The following NBEA variants were observed in gnomAD, a reference collection of about 807,000 sequenced individuals.
NBEA encodes the protein lysosomal-trafficking regulator 2.
In NBEA, 44 loss-of-function variants were observed where a neutral mutation model predicts 343.4. The ratio of observed to expected loss-of-function variants is 0.13; its 90% CI spans 0.10 to 0.16. NBEA has a LOEUF of 0.16. Among genes scored for constraint, NBEA ranks in the 10% least tolerant of loss-of-function variants. The pLI, the probability that NBEA is intolerant of heterozygous loss-of-function variation, is 1.00. For missense variants in NBEA, 2,555 were observed against 3,631.3 expected, an observed-to-expected ratio of 0.70 and a Z score of 7.62; for synonymous variants, 1,175 against 1,238.7, an observed-to-expected ratio of 0.95 and a Z score of 1.08.
chr13:35,430,781 T>A (rs2045052333), intron 38 of NBEA, among the ~76,000 whole-genome samples: 1 of 152,170 alleles, frequency 6.6e-6, no homozygotes. Context: ...ATGGTCTTCC[T>A]TAAATTACTG....
At chr13:35,477,663 G>A (rs1346163632) in intron 41 of NBEA, among the ~76,000 whole-genome samples, 1 of 152,110 alleles carries the variant, frequency 6.6e-6, no homozygotes, top group Non-Finnish European at 1.5e-5. Context: ...GTATAATTAA[G>A]GATATATCTC....
chr13:35,418,543 C>T (rs993270553), intron 38 of NBEA, among the ~76,000 whole-genome samples: 2 of 151,758 alleles, frequency 1.3e-5, no homozygotes, highest in Non-Finnish European at 2.9e-5. Flanking sequence ...GAGAATATTG[C>T]CTAACACAAA....
intron 1 of NBEA, among the ~76,000 whole-genome samples, chr13:35,003,875 A>T (rs1181613673): frequency 6.6e-6 from 1 of 151,964 alleles, no homozygotes; most frequent in Admixed American, 6.6e-5. Flanking sequence ...GCATGTAACA[A>T]CCCATCTCCT....
chr13:35,657,674 A>G (rs1316353827), intron 55 of NBEA, among the ~76,000 whole-genome samples: 3 of 152,212 alleles, frequency 2.0e-5, no homozygotes, highest in Non-Finnish European at 4.4e-5. Flanking sequence ...ATAATAGTGT[A>G]GCATTTCTTT....
At chr13:35,100,356 A>G (rs1199486637) in intron 11 of NBEA, among the ~76,000 whole-genome samples, 1 of 152,012 alleles carries the variant, frequency 6.6e-6, no homozygotes, top group Non-Finnish European at 1.5e-5. Flanking sequence ...TTTCTTTATT[A>G]AGATGATTTT....
chr13:35,057,018 A>T (rs1447541740), intron 7 of NBEA, among the ~76,000 whole-genome samples: 2 of 152,184 alleles, frequency 1.3e-5, no homozygotes, highest in Non-Finnish European at 2.9e-5. Context: ...GGTAGAGAAT[A>T]ACTAGAATCA....
At chr13:35,045,177 A>G in intron 3 of NBEA, 129 bp from the exon 4 acceptor site, 1 of 1,195,892 alleles carries the variant, frequency 8.4e-7, no homozygotes, top group Non-Finnish European at 1.2e-6. Context: ...TGATTTAGTA[A>G]ATGTTTTGTA....
At chr13:34,943,786 C>T (rs1262915576) in intron 1 of NBEA, among the ~76,000 whole-genome samples, 2 of 152,110 alleles carry the variant, frequency 1.3e-5, no homozygotes, top group Admixed American at 1.3e-4. Context: ...TGTGTGAGGA[C>T]ACCAAATCAC....
intron 41 of NBEA, among the ~76,000 whole-genome samples, chr13:35,520,731 C>T (rs560276812): frequency 6.6e-6 from 1 of 152,234 alleles, no homozygotes; most frequent in East Asian, 1.9e-4. Flanking sequence ...CTTTTGACCT[C>T]AAAGAGGAAA....
chr13:35,146,549 C>G (rs143598403), intron 18 of NBEA, among the ~76,000 whole-genome samples: 1,648 of 152,212 alleles, frequency 0.011, 13 homozygotes, highest in Non-Finnish European at 0.017. Flanking sequence ...AGGGCATTCC[C>G]TTTTCCAGTG....
At chr13:35,640,720 C>T (rs966655777) in intron 49 of NBEA, among the ~76,000 whole-genome samples, 5 of 152,132 alleles carry the variant, frequency 3.3e-5, no homozygotes, top group Non-Finnish European at 7.4e-5. Flanking sequence ...TTAATGGGAG[C>T]TCTATATACA....
At chr13:35,399,431 G>A (rs543241048) in intron 38 of NBEA, among the ~76,000 whole-genome samples, 1 of 151,800 alleles carries the variant, frequency 6.6e-6, no homozygotes, top group South Asian at 2.1e-4. Flanking sequence ...CAGCAGGAGA[G>A]AGAGAAATGA....
intron 40 of NBEA, among the ~76,000 whole-genome samples, chr13:35,466,016 G>A (rs2075371825): frequency 6.6e-6 from 1 of 152,064 alleles, no homozygotes; most frequent in Admixed American, 6.6e-5. Context: ...CTACTATGAT[G>A]AACAAATAAT....
At position 35,173,454 on chromosome 13, in the gene NBEA, T is replaced by G; in HGVS notation, c.4424-10T>G. 1 of 1,578,482 alleles carries G rather than the reference T, an allele frequency of 6.3e-7. No homozygotes were observed. Reference sequence around the variant, plus strand: ...TTATATTAACAATATGTTTTTGAATTTTTAAATAGTTTGTTGTGTTGCTGT... The same window carrying G: ...TTATATTAACAATATGTTTTTGAATGTTTAAATAGTTTGTTGTGTTGCTGT... On this transcript the variant is annotated splice_polypyrimidine_tract_variant and intron_variant, in intron 26 of 58. Transcript: ENST00000379939.
At chr13:35,156,031 T>A (rs1173695905) in intron 19 of NBEA, 52 bp from the exon 20 acceptor site, 5 of 1,536,854 alleles carry the variant, frequency 3.3e-6, no homozygotes, top group Non-Finnish European at 3.5e-6. Flanking sequence ...ACTTTTTGAG[T>A]TGAACATAGG....
intron 17 of NBEA, among the ~76,000 whole-genome samples, chr13:35,141,810 T>C (rs1358832662): frequency 6.6e-6 from 1 of 152,238 alleles, no homozygotes; most frequent in African/African-American, 2.4e-5. Context: ...GACACCAAAA[T>C]TAAGCTAGAG....
chr13:35,238,703 T>C (rs2075346765), intron 34 of NBEA, among the ~76,000 whole-genome samples: 1 of 152,166 alleles, frequency 6.6e-6, no homozygotes, highest in African/African-American at 2.4e-5. Context: ...AGGCTCTATA[T>C]ACAAGTTGAA....
intron 38 of NBEA, among the ~76,000 whole-genome samples, chr13:35,374,477 G>A (rs921139638): frequency 6.6e-6 from 1 of 152,170 alleles, no homozygotes; most frequent in Non-Finnish European, 1.5e-5. Flanking sequence ...AGAGTTGCTT[G>A]ATACAGGGTT....
rs151172621 is a variant in NBEA at position 35,629,791 on chromosome 13, A to C, written c.7617+1543A>C. The stretch of plus-strand genomic sequence containing the variant: ...TCAACTGTACACCCTTGCTTATTAC[A>C]TGCCTGTTTTATTAAATACTTTATA... On this transcript the variant is annotated intron_variant, in intron 49 of 58. Coordinates refer to ENST00000379939, the MANE Select transcript of NBEA (RefSeq NM_001385012.1). Among the ~76,000 whole-genome samples, 730 of 152,338 alleles carry C rather than the reference A, an allele frequency of 4.8e-3. 2 individuals are homozygous for C. Among genetic ancestry groups the C allele is most frequent in the African/African-American group, 0.017 (697 of 41,584 alleles).
Sources: gnomAD v4.1 joint callset for allele counts (sites outside exome capture counted in the v4.1 genomes callset) on GRCh38, gnomAD v4.1.1 for gene constraint, MANE v1.5 for transcripts, NCBI Gene and HGNC (gene_info 2026-07-23, HGNC 2026-07-21) for gene names.